OLIG2: variants seen among roughly 807,000 people sequenced by gnomAD.
OLIG2 encodes oligodendrocyte transcription factor 2.
In OLIG2, 12 loss-of-function variants were observed where a neutral mutation model predicts 13.4. The observed-to-expected ratio is 0.90, with a 90% CI of 0.58 to 1.46. OLIG2 has a LOEUF of 1.46. OLIG2 is among the 40% of genes most tolerant of loss of function. The probability of loss-of-function intolerance (pLI) is 0.00; values close to 1 mark genes in which losing one functional copy is unlikely to be tolerated. For synonymous variants in OLIG2, 250 were observed against 233.6 expected (o/e 1.07, Z -0.64); for missense variants, 415 against 487.9 (o/e 0.85, Z 1.41).
At position 33,027,430 on chromosome 21, in the gene OLIG2, G is replaced by A. The variant is rs756015601; in HGVS notation, c.568G>A (p.Gly190Ser). 3.7e-5 allele frequency: 57 copies of A among 1,539,112 alleles called. No homozygotes were observed. The highest frequency in any genetic ancestry group is 4.5e-5 in the Non-Finnish European group (52 of 1,145,472). The change falls in exon 2 of 2, where the codon GGC (glycine) becomes AGC (serine). Residue 190 changes from glycine (G) to serine (S), a missense_variant. Physicochemically the swap from Gly to Ser is moderately conservative, Grantham distance 56. This residue lies in a region of OLIG2 where 243 missense variants were observed against 241.2 expected (regional missense o/e 1.01). Transcript: ENST00000382357. The part of the protein sequence containing the change: ...HHAGFHPSAC[G>S]GLAHSAPLPA... ...CGCTGGCTTCCACCCGTCGGCCTGC[G>A]GCGGCCTGGCGCACTCCGCGCCCCT...
In OLIG2 at chr21:33,026,850, T is replaced by C; in HGVS notation, c.-13T>C. 6.2e-7 allele frequency: 1 copy of C among 1,606,870 alleles called. No homozygotes were observed. The highest frequency in any genetic ancestry group is 8.5e-7 in the Non-Finnish European group (1 of 1,179,290). On this transcript the variant is annotated 5_prime_UTR_variant, in exon 2 of 2. Transcript: ENST00000382357. This position sits in a 1 kb window ranked among gnomAD's most constrained non-coding sequence, Gnocchi z 6.6. ...CCCTGCGAAAGCTGCGACGACTATCTTCCCCTGGGGCCATGGACTCGGACG... is the reference window on the plus strand; with the variant it reads ...CCCTGCGAAAGCTGCGACGACTATCCTCCCCTGGGGCCATGGACTCGGACG...
In OLIG2 at chr21:33,026,737, ACTCT is replaced by A. The variant is rs10653491; in HGVS notation, c.-62-52_-62-49del. 21 of 1,102,612 alleles carry A rather than the reference ACTCT, an allele frequency of 1.9e-5. No individual in the cohort carries two copies. Among genetic ancestry groups the A allele is most frequent in the Middle Eastern group, 2.5e-4 (1 of 4,062 alleles). 68.3% of individuals were successfully genotyped at this position (1,102,612 alleles called of 1,614,324 possible). The stretch of plus-strand genomic sequence containing the variant: ...CAGCTTTTCTGTCTCTCACTGACTC[ACTCT>A]CTCTCTCTCTCCCTCTCTCTCTCTC... On this transcript the variant is annotated intron_variant, in intron 1 of 1. Transcript: ENST00000382357. The surrounding 1 kb of genome is among the most constrained non-coding windows in gnomAD (Gnocchi z 6.6).
chr21:33,026,953 G>A lies in OLIG2; in HGVS notation c.91G>A (p.Gly31Ser), dbSNP rs1321247655. The change falls in exon 2 of 2, where the codon GGC becomes AGC. Residue 31 changes from glycine (G) to serine (S), a missense_variant. Coordinates refer to ENST00000382357, the MANE Select transcript of OLIG2 (RefSeq NM_005806.4). This position sits in a 1 kb window ranked among gnomAD's most constrained non-coding sequence, Gnocchi z 6.6. ...FLPARSKGSS[G>S]SAFTGGTVSS... Reference sequence around the variant, plus strand: ...GCCGGCCCGGAGTAAGGGCAGCAGCGGCAGCGCCTTCACTGGGGGCACCGT... The same window carrying A: ...GCCGGCCCGGAGTAAGGGCAGCAGCAGCAGCGCCTTCACTGGGGGCACCGT... The A allele has an allele frequency of 1.9e-6, 3 of 1,612,172 alleles. No homozygotes were observed. Among genetic ancestry groups the A allele is most frequent in the Non-Finnish European group, 2.5e-6 (3 of 1,179,776 alleles).
At position 33,027,126 on chromosome 21, in the gene OLIG2, G is replaced by A. The variant is rs1422008319; in HGVS notation, c.264G>A (p.Ser88=). 8.1e-6 allele frequency: 13 copies of A among 1,611,148 alleles called. No individual in the cohort carries two copies. The highest frequency in any genetic ancestry group is 1.3e-5 in the African/African-American group (1 of 74,834). ...CCAGCACCTCGTCGTCTACGTCGTCGGCGGCTGCGTCGTCCACCAAGAAGG... is the reference window on the plus strand; with the variant it reads ...CCAGCACCTCGTCGTCTACGTCGTCAGCGGCTGCGTCGTCCACCAAGAAGG... The part of the protein sequence containing the change: ...SSSSTSSSTS[S]AAASSTKKDK... The change falls in exon 2 of 2, where the codon TCG becomes TCA. Residue 88 remains serine (S), a synonymous_variant. Transcript: ENST00000382357.
In OLIG2 at chr21:33,026,123, T is replaced by G. The variant is rs1981063720; in HGVS notation, c.-63+97T>G. 1 of 152,446 alleles carries G rather than the reference T, an allele frequency of 6.6e-6. No homozygotes were observed. The highest frequency in any genetic ancestry group is 2.4e-5 in the African/African-American group (1 of 41,462). The allele number at this position is 152,446 out of a possible 1,614,324, so 9.4% of individuals were successfully genotyped here. On this transcript the variant is annotated intron_variant, in intron 1 of 1. Coordinates refer to ENST00000382357, the MANE Select transcript of OLIG2 (RefSeq NM_005806.4). This position sits in a 1 kb window ranked among gnomAD's most constrained non-coding sequence, Gnocchi z 6.6. ...CCAGAATGCTCCGATACAGGGGGTCTGGATCCCTACTCTGCGGGCCATTTC... is the reference window on the plus strand; with the variant it reads ...CCAGAATGCTCCGATACAGGGGGTCGGGATCCCTACTCTGCGGGCCATTTC...
Position 33,027,784 on chromosome 21 carries a change from T to C in OLIG2, c.922T>C (p.Ser308Pro). The change falls in exon 2 of 2, where the codon TCG becomes CCG. Residue 308 changes from serine to proline, a missense_variant. Around this residue, in one of 3 missense-constraint regions of OLIG2, gnomAD observed 243 missense variants for 241.2 expected, o/e 1.01. Transcript: ENST00000382357. ...CQVPPPHHHV[S>P]AMGAGSLPRL... ...GGTGCCGCCGCCGCACCACCACGTGTCGGCTATGGGCGCCGGCAGCCTGCC... is the reference window on the plus strand; with the variant it reads ...GGTGCCGCCGCCGCACCACCACGTGCCGGCTATGGGCGCCGGCAGCCTGCC... 1.4e-6 allele frequency: 2 copies of C among 1,426,970 alleles called. No homozygotes were observed. Among genetic ancestry groups the C allele is most frequent in the Non-Finnish European group, 1.8e-6 (2 of 1,095,972 alleles). The allele number at this position is 1,426,970 out of a possible 1,614,324, so 88.4% of individuals were successfully genotyped here.
Position 33,027,693 on chromosome 21 carries a change from C to A in OLIG2, c.831C>A (p.Gly277=). The stretch of plus-strand genomic sequence containing the variant: ...CCGCCCCGCTGGGGGGCGGGGGCGG[C>A]GGCAGTGGGGCGAGCGGGGGCTTCC... ...AAAAPLGGGG[G]GSGASGGFQH... is the part of the protein sequence containing the mutation. The change falls in exon 2 of 2, where the codon GGC becomes GGA. Residue 277 remains glycine (G), a synonymous_variant. Coordinates refer to ENST00000382357, the MANE Select transcript of OLIG2 (RefSeq NM_005806.4). 7.3e-7 allele frequency: 1 copy of A among 1,368,744 alleles called. No homozygotes were observed. Among genetic ancestry groups the A allele is most frequent in the Non-Finnish European group, 9.3e-7 (1 of 1,069,524 alleles). The allele number at this position is 1,368,744 out of a possible 1,614,324, so 84.8% of individuals were successfully genotyped here. A position where few individuals can be genotyped will look rare whatever the true frequency, so the allele number is the denominator to read the frequency against.
Position 33,027,493 on chromosome 21 carries a change from G to A in OLIG2, c.631G>A (p.Ala211Thr). ...CGCGCACCCGGCAGCAGCAGCGCAC[G>A]CCGCACATCACCCCGCGGTGCACCA... ...ATAHPAAAAH[A>T]AHHPAVHHPI... The change falls in exon 2 of 2, where the codon GCC becomes ACC. Residue 211 changes from alanine (A) to threonine (T), a missense_variant. This residue lies in a region of OLIG2 where 243 missense variants were observed against 241.2 expected (regional missense o/e 1.01). Transcript: ENST00000382357. 2 of 1,478,544 alleles carry A rather than the reference G, an allele frequency of 1.4e-6. No homozygotes were observed. The highest frequency in any genetic ancestry group is 1.8e-6 in the Non-Finnish European group (2 of 1,124,072). 91.6% of individuals were successfully genotyped at this position (1,478,544 alleles called of 1,614,324 possible). A position where few individuals can be genotyped will look rare whatever the true frequency, so the allele number is the denominator to read the frequency against.
Position 33,028,643 on chromosome 21 carries a change from A to T in OLIG2, c.*809A>T, listed in dbSNP as rs1981203228. 4.2e-6 allele frequency: 1 copy of T among 239,774 alleles called. No individual in the cohort carries two copies. Among genetic ancestry groups the T allele is most frequent in the African/African-American group, 2.2e-5 (1 of 44,956 alleles). The allele number at this position is 239,774 out of a possible 1,614,324, so 14.9% of individuals were successfully genotyped here. The stretch of plus-strand genomic sequence containing the variant: ...AACTGCCGATTTCAGGGGCGGGTGC[A>T]TTGTAGTTATTATTTTAAAATAGAA... On this transcript the variant is annotated 3_prime_UTR_variant, in exon 2 of 2. Transcript: ENST00000382357.
At position 33,028,261 on chromosome 21, in the gene OLIG2, G is replaced by T. The variant is rs549342940; in HGVS notation, c.*427G>T. The T allele has an allele frequency of 9.8e-5, 24 of 245,798 alleles. No homozygotes were observed. In the East Asian group the frequency reaches 1.4e-3, roughly 14 times the overall value. 15.2% of individuals were successfully genotyped at this position (245,798 alleles called of 1,614,324 possible). On this transcript the variant is annotated 3_prime_UTR_variant, in exon 2 of 2. Transcript: ENST00000382357. ...GGGGGGGGAGGGGGTGTTATGGGAGGGGGACACATTGGGGCCTTGCTCCTC... is the reference window on the plus strand; with the variant it reads ...GGGGGGGGAGGGGGTGTTATGGGAGTGGGACACATTGGGGCCTTGCTCCTC...
rs1981133017 is a variant in OLIG2, at chr21:33,027,424, G to C, written c.562G>C (p.Ala188Pro). Residue 188 changes from alanine (A) to proline (P), a missense_variant, in exon 2 of 2, where the codon GCC becomes CCC. Physicochemically the swap from Ala to Pro is conservative, Grantham distance 27 (BLOSUM62 -1). Coordinates refer to ENST00000382357, the MANE Select transcript of OLIG2 (RefSeq NM_005806.4). ...GGHHAGFHPSACGGLAHSAPL... is the reference protein window; with the variant it reads ...GGHHAGFHPSPCGGLAHSAPL... ...CCACCACGCTGGCTTCCACCCGTCGGCCTGCGGCGGCCTGGCGCACTCCGC... is the reference window on the plus strand; with the variant it reads ...CCACCACGCTGGCTTCCACCCGTCGCCCTGCGGCGGCCTGGCGCACTCCGC... The C allele has an allele frequency of 6.5e-7, 1 of 1,540,218 alleles. No homozygotes were observed. Among genetic ancestry groups the C allele is most frequent in the Admixed American group, 2.0e-5 (1 of 50,722 alleles).
At position 33,027,723 on chromosome 21, in the gene OLIG2, C is replaced by G; in HGVS notation, c.861C>G (p.His287Gln). ...GGSGASGGFQ[H>Q]WGGMPCPCSM... ...GTGGGGCGAGCGGGGGCTTCCAGCA[C>G]TGGGGCGGCATGCCCTGCCCCTGCA... The change falls in exon 2 of 2, where the codon CAC becomes CAG. Residue 287 changes from histidine to glutamine, a missense_variant. Coordinates refer to ENST00000382357, the MANE Select transcript of OLIG2 (RefSeq NM_005806.4). The G allele has an allele frequency of 7.3e-7, 1 of 1,369,832 alleles. No homozygotes were observed. 84.9% of individuals were successfully genotyped at this position (1,369,832 alleles called of 1,614,324 possible).
chr21:33,027,229 G>T lies in OLIG2; in HGVS notation c.367G>T (p.Asp123Tyr). ...INSRERKRMH[D>Y]LNIAMDGLRE... Reference sequence around the variant, plus strand: ...CAGCCGCGAGCGCAAGCGCATGCACGACCTCAACATCGCCATGGATGGCCT... The same window carrying T: ...CAGCCGCGAGCGCAAGCGCATGCACTACCTCAACATCGCCATGGATGGCCT... Residue 123 changes from aspartate to tyrosine, a missense_variant, in exon 2 of 2, where the codon GAC (aspartate) becomes TAC (tyrosine). Around this residue, in one of 3 missense-constraint regions of OLIG2, gnomAD observed 50 missense variants for 119.9 expected, o/e 0.42. Transcript: ENST00000382357. The T allele has an allele frequency of 1.9e-6, 3 of 1,610,758 alleles. No individual in the cohort carries two copies. Among genetic ancestry groups the T allele is most frequent in the Non-Finnish European group, 2.5e-6 (3 of 1,178,920 alleles).
chr21:33,027,557 C>T lies in OLIG2; in HGVS notation c.695C>T (p.Ala232Val), dbSNP rs1268730139. ...CCCGCCGCCGCAGCGGCTGCTGCCG[C>T]CGCTGCAGCCGCGGCTGTGTCCAGC... is the stretch of plus-strand genomic sequence containing the variant. ...LPPAAAAAAA[A>V]AAAAAVSSAS... The change falls in exon 2 of 2, where the codon GCC becomes GTC. Residue 232 changes from alanine to valine, a missense_variant. By Grantham distance (64) the Ala-to-Val change is moderately conservative (BLOSUM62 0). This residue lies in a region of OLIG2 where 243 missense variants were observed against 241.2 expected (regional missense o/e 1.01). Transcript: ENST00000382357. 1.4e-6 allele frequency: 2 copies of T among 1,475,358 alleles called. No individual in the cohort carries two copies. Among genetic ancestry groups the T allele is most frequent in the South Asian group, 2.6e-5 (2 of 78,430 alleles). 91.4% of individuals were successfully genotyped at this position (1,475,358 alleles called of 1,614,324 possible).
At position 33,027,682 on chromosome 21, in the gene OLIG2, G is replaced by T; in HGVS notation, c.820G>T (p.Gly274Cys). Reference sequence around the variant, plus strand: ...TGCTGCCGCGGCCGCCCCGCTGGGGGGCGGGGGCGGCGGCAGTGGGGCGAG... The same window carrying T: ...TGCTGCCGCGGCCGCCCCGCTGGGGTGCGGGGGCGGCGGCAGTGGGGCGAG... ...PSAAAAAPLG[G>C]GGGGSGASGG... is the part of the protein sequence containing the mutation. Residue 274 changes from glycine to cysteine, a missense_variant, in exon 2 of 2, where the codon GGC becomes TGC. Physicochemically the swap from Gly to Cys is radical, Grantham distance 159. This residue lies in a region of OLIG2 where 243 missense variants were observed against 241.2 expected (regional missense o/e 1.01). Coordinates refer to ENST00000382357, the MANE Select transcript of OLIG2 (RefSeq NM_005806.4). 7.3e-7 allele frequency: 1 copy of T among 1,371,240 alleles called. No homozygotes were observed. Among genetic ancestry groups the T allele is most frequent in the South Asian group, 1.7e-5 (1 of 59,176 alleles). The allele number at this position is 1,371,240 out of a possible 1,614,324, so 84.9% of individuals were successfully genotyped here.
In OLIG2 at chr21:33,027,780, C is replaced by T. The variant is rs1229830757; in HGVS notation, c.918C>T (p.His306=). Residue 306 remains histidine (H), a synonymous_variant, in exon 2 of 2, where the codon CAC becomes CAT. Transcript: ENST00000382357. ...SMCQVPPPHH[H]VSAMGAGSLP... is the part of the protein sequence containing the mutation. ...GCCAGGTGCCGCCGCCGCACCACCA[C>T]GTGTCGGCTATGGGCGCCGGCAGCC... 21 of 1,427,284 alleles carry T rather than the reference C, an allele frequency of 1.5e-5. No individual in the cohort carries two copies. In the Admixed American group the frequency reaches 5.5e-4, roughly 38 times the overall value. The allele number at this position is 1,427,284 out of a possible 1,614,324, so 88.4% of individuals were successfully genotyped here. A position where few individuals can be genotyped will look rare whatever the true frequency, so the allele number is the denominator to read the frequency against.
In OLIG2 at chr21:33,028,616, A is replaced by G. The variant is rs1037889599; in HGVS notation, c.*782A>G. ...AACCACTTGTGGATTGGAATAACCC[A>G]AAACTGCCGATTTCAGGGGCGGGTG... is the stretch of plus-strand genomic sequence containing the variant. On this transcript the variant is annotated 3_prime_UTR_variant, in exon 2 of 2. Coordinates refer to ENST00000382357, the MANE Select transcript of OLIG2 (RefSeq NM_005806.4). The G allele has an allele frequency of 1.5e-4, 35 of 239,824 alleles. No individual in the cohort carries two copies. The highest frequency in any genetic ancestry group is 7.8e-4 in the African/African-American group (35 of 44,828). 14.9% of individuals were successfully genotyped at this position (239,824 alleles called of 1,614,324 possible).
Position 33,027,920 on chromosome 21 carries a change from C to T in OLIG2, c.*86C>T. On this transcript the variant is annotated 3_prime_UTR_variant, in exon 2 of 2. Coordinates refer to ENST00000382357, the MANE Select transcript of OLIG2 (RefSeq NM_005806.4). Reference sequence around the variant, plus strand: ...CTGGCCTGCGCTGGGCTCGGGAGCTCTGTCGCGAGGAGGGGCGCAGGACCA... The same window carrying T: ...CTGGCCTGCGCTGGGCTCGGGAGCTTTGTCGCGAGGAGGGGCGCAGGACCA... 2 of 1,302,984 alleles carry T rather than the reference C, an allele frequency of 1.5e-6. No individual in the cohort carries two copies. Among genetic ancestry groups the T allele is most frequent in the Non-Finnish European group, 2.0e-6 (2 of 1,017,132 alleles). 80.7% of individuals were successfully genotyped at this position (1,302,984 alleles called of 1,614,324 possible).
rs1220211679 is a variant in OLIG2, at chr21:33,027,150, G to A, written c.288G>A (p.Lys96=). Residue 96 remains lysine (K), a synonymous_variant, in exon 2 of 2, where the codon AAG becomes AAA. Coordinates refer to ENST00000382357, the MANE Select transcript of OLIG2 (RefSeq NM_005806.4). ...CGGCGGCTGCGTCGTCCACCAAGAA[G>A]GACAAGAAGCAAATGACAGAGCCGG... ...TSSAAASSTK[K]DKKQMTEPEL... 1.9e-6 allele frequency: 3 copies of A among 1,611,608 alleles called. No individual in the cohort carries two copies. The highest frequency in any genetic ancestry group is 2.2e-5 in the East Asian group (1 of 44,824).
Sources: allele counts gnomAD v4.1 joint callset, GRCh38; gene constraint gnomAD v4.1.1; regional missense constraint gnomAD v4.1.1; non-coding constraint Gnocchi (gnomAD v3.1); transcripts MANE v1.5; gene names NCBI Gene and HGNC (gene_info 2026-07-23, HGNC 2026-07-21).